Variants in RORA observed in about 807,000 individuals in gnomAD.
The protein encoded by RORA is nuclear receptor ROR-alpha.
In RORA, 7 loss-of-function variants were observed where a neutral mutation model predicts 69.5. That is an observed-to-expected ratio of 0.10 (90% CI 0.06 to 0.19). The LOEUF is 0.19. Ranked by LOEUF, RORA falls within the 10% of genes least tolerant of loss-of-function variation. The probability of loss-of-function intolerance (pLI) is 1.00; values close to 1 mark genes in which losing one functional copy is unlikely to be tolerated. For missense variants in RORA, 457 were observed against 663.0 expected, an observed-to-expected ratio of 0.69 and a Z score of 3.41; for synonymous variants, 261 against 240.8, an observed-to-expected ratio of 1.08 and a Z score of -0.78.
chr15:60,597,435 C>G (rs1188823702), intron 2 of RORA, among the ~76,000 whole-genome samples: 1 of 145,280 alleles, frequency 6.9e-6, no homozygotes, highest in East Asian at 2.1e-4. Flanking sequence ...AAACCAAGGC[C>G]AAGAGGGACC....
At chr15:61,204,810 T>C (rs2140930375) in intron 1 of RORA, among the ~76,000 whole-genome samples, 1 of 152,300 alleles carries the variant, frequency 6.6e-6, no homozygotes, top group East Asian at 1.9e-4. Context: ...ATTGAGACTG[T>C]GCGTGAACAG....
chr15:60,719,322 A>G, intron 1 of RORA, among the ~76,000 whole-genome samples: 1 of 151,938 alleles, frequency 6.6e-6, no homozygotes. Context: ...TGTGTGTGTT[A>G]GCAGGAGGGG....
At chr15:60,967,308 T>G (rs959025426) in intron 1 of RORA, among the ~76,000 whole-genome samples, 29 of 152,356 alleles carry the variant, frequency 1.9e-4, no homozygotes, top group African/African-American at 7.0e-4. Context: ...ACGTATCATG[T>G]GTTCTTTTTA....
chr15:61,176,490 GTTTCAGAGAT>G (rs1384468120), intron 1 of RORA: 3 of 76,318 alleles, frequency 3.9e-5, no homozygotes, highest in African/African-American at 6.8e-5. Flanking sequence ...TTACTTTCAT[GTTTCAGAGAT>G]GGGATCTTGC....
At chr15:60,916,917 A>G (rs1395303133) in intron 1 of RORA, among the ~76,000 whole-genome samples, 1 of 152,178 alleles carries the variant, frequency 6.6e-6, no homozygotes, top group Admixed American at 6.5e-5. Flanking sequence ...TTCTCAACCA[A>G]CATCCTTCTT....
rs146815000 is a variant in RORA, at chr15:61,064,143, A to G, written c.166+164910T>C. The stretch of plus-strand genomic sequence containing the variant: ...ATTAGAGGACAGAGTGATCAGGCCT[A>G]TTGCCCACATTATGTAATTAGCCCT... On this transcript the variant is annotated intron_variant, in intron 1 of 10. Transcript: ENST00000335670. Among the ~76,000 whole-genome samples the G allele has an allele frequency of 2.3e-4, 35 of 152,296 alleles. No individual in the cohort carries two copies. The East Asian group carries it at 6.4e-3, about 28-fold the overall frequency.
At position 60,628,936 on chromosome 15, in the gene RORA, G is replaced by A. The variant is rs375969326; in HGVS notation, c.196+49721C>T. The stretch of plus-strand genomic sequence containing the variant: ...AAAGGGGGTGGGTTTAGAGAGGCCC[G>A]TTTTAGTTCTCAAGCACAAGGAGCT... On this transcript the variant is annotated intron_variant, in intron 2 of 10. Coordinates refer to ENST00000335670, the MANE Select transcript of RORA (RefSeq NM_134261.3). Among the ~76,000 whole-genome samples, 7 of 152,130 alleles carry A rather than the reference G, an allele frequency of 4.6e-5. No homozygotes were observed. In the East Asian group the frequency reaches 5.8e-4, roughly 13 times the overall value.
At chr15:61,089,134 A>C (rs1484721432) in intron 1 of RORA, among the ~76,000 whole-genome samples, 2 of 152,236 alleles carry the variant, frequency 1.3e-5, no homozygotes, top group Non-Finnish European at 1.5e-5. Context: ...GTTTCTTTCA[A>C]GATAAATGAA....
intron 1 of RORA, among the ~76,000 whole-genome samples, chr15:60,842,351 C>G (rs1397286469): frequency 6.6e-6 from 1 of 152,200 alleles, no homozygotes; most frequent in African/African-American, 2.4e-5. Flanking sequence ...TCTCAGCAAA[C>G]AGAAACTTCT....
chr15:60,547,540 G>T (rs140033321), intron 2 of RORA, among the ~76,000 whole-genome samples: 1 of 151,190 alleles, frequency 6.6e-6, no homozygotes, highest in Non-Finnish European at 1.5e-5. Context: ...TGGCCAGGCT[G>T]GTCTTGATCT....
chr15:60,679,086 A>G (rs1225151846), intron 1 of RORA, among the ~76,000 whole-genome samples: 1 of 152,200 alleles, frequency 6.6e-6, no homozygotes, highest in Admixed American at 6.5e-5. Flanking sequence ...GCAACACGGC[A>G]ATTAATTTGC....
At chr15:60,914,142 G>T (rs1030195239) in intron 1 of RORA, among the ~76,000 whole-genome samples, 6 of 152,308 alleles carry the variant, frequency 3.9e-5, no homozygotes, top group African/African-American at 1.4e-4. Context: ...TCCTGCTTTG[G>T]CTGTGCTAAT....
chr15:60,978,611 A>G (rs1893943344), intron 1 of RORA, among the ~76,000 whole-genome samples: 1 of 152,198 alleles, frequency 6.6e-6, no homozygotes, highest in East Asian at 1.9e-4. Flanking sequence ...AAAGTCCTGC[A>G]GATTTATACC....
intron 1 of RORA, among the ~76,000 whole-genome samples, chr15:60,691,794 G>GCC (rs1200476312): frequency 6.6e-6 from 1 of 152,214 alleles, no homozygotes; most frequent in Admixed American, 6.5e-5. Flanking sequence ...GGGCATGCAT[G>GCC]CCTCATCTGT....
chr15:61,130,924 T>G (rs1462180777), intron 1 of RORA, among the ~76,000 whole-genome samples: 1 of 152,248 alleles, frequency 6.6e-6, no homozygotes. Context: ...CTGGTATCAC[T>G]GAGACCCAGC....
At chr15:60,552,966 T>G (rs1399762032) in intron 2 of RORA, among the ~76,000 whole-genome samples, 1 of 152,188 alleles carries the variant, frequency 6.6e-6, no homozygotes, top group Non-Finnish European at 1.5e-5. Flanking sequence ...CTTCCACTTA[T>G]TAGCACTGTG....
chr15:60,802,663 T>C (rs998326382), intron 1 of RORA, among the ~76,000 whole-genome samples: 3 of 152,208 alleles, frequency 2.0e-5, no homozygotes, highest in Non-Finnish European at 4.4e-5. Context: ...GCCTGGTGGC[T>C]TATGTCTTTT....
At chr15:60,949,373 G>A (rs1056215230) in intron 1 of RORA, among the ~76,000 whole-genome samples, 8 of 152,124 alleles carry the variant, frequency 5.3e-5, no homozygotes, top group Non-Finnish European at 1.0e-4. Context: ...TCTCAATATG[G>A]AGCTAAAGTG....
chr15:60,625,554 T>C (rs2069553033), intron 2 of RORA, among the ~76,000 whole-genome samples: 1 of 152,208 alleles, frequency 6.6e-6, no homozygotes, highest in African/African-American at 2.4e-5. Flanking sequence ...TGAAAACAAA[T>C]TAAAAATTTA....
Sources: gnomAD v4.1 joint callset for allele counts (sites outside exome capture counted in the v4.1 genomes callset) on GRCh38, gnomAD v4.1.1 for gene constraint, MANE v1.5 for transcripts, NCBI Gene and HGNC (gene_info 2026-07-23, HGNC 2026-07-21) for gene names.